Variants in RALYL observed in about 807,000 individuals in gnomAD.
The protein encoded by RALYL is RALY RNA binding protein like.
Under a neutral mutation model 35.1 loss-of-function variants are expected in RALYL, and 29 were observed. The ratio of observed to expected loss-of-function variants is 0.83; its 90% confidence interval spans 0.61 to 1.13. The LOEUF (loss-of-function observed/expected upper bound fraction) is 1.13. Ranked by LOEUF, RALYL falls within the 50% of genes most tolerant of loss-of-function variation. RALYL has a pLI of 0.00. For synonymous variants in RALYL, 120 were observed against 127.6 expected, an observed-to-expected ratio of 0.94 and a Z score of 0.40; for missense variants, 359 against 360.4, an observed-to-expected ratio of 1.00 and a Z score of 0.03.
In RALYL at chr8:84,725,663, T is replaced by C. The variant is rs111346623; in HGVS notation, c.257-48916T>C. On this transcript the variant is annotated intron_variant, in intron 2 of 8. Coordinates refer to ENST00000521268, the MANE Select transcript of RALYL (RefSeq NM_173848.7). The stretch of plus-strand genomic sequence containing the variant: ...TAATATACGTCTGTGAGCCCTTCAA[T>C]TTAGAAATATGAGTTATTAGTAAGA... Among the ~76,000 whole-genome samples, 648 of 151,774 alleles carry C rather than the reference T, an allele frequency of 4.3e-3. 5 individuals carry two copies. Among genetic ancestry groups the C allele is most frequent in the African/African-American group, 0.015 (629 of 41,518 alleles).
At chr8:84,466,547 G>A (rs1445459892) in intron 1 of RALYL, among the ~76,000 whole-genome samples, 2 of 151,528 alleles carry the variant, frequency 1.3e-5, no homozygotes, top group African/African-American at 4.9e-5. Flanking sequence ...CGTTTTGCCA[G>A]TATTTTATTG....
intron 2 of RALYL, among the ~76,000 whole-genome samples, chr8:84,760,668 G>T (rs1422340261): frequency 1.3e-5 from 2 of 151,982 alleles, no homozygotes; most frequent in African/African-American, 4.8e-5. Context: ...GCAAAATTCA[G>T]ATTTTTAAGT....
At chr8:84,695,576 A>T (rs1176152620) in intron 2 of RALYL, among the ~76,000 whole-genome samples, 2 of 151,814 alleles carry the variant, frequency 1.3e-5, no homozygotes, top group East Asian at 3.9e-4. Flanking sequence ...TATAAGCAAA[A>T]TTTTAAGATT....
chr8:84,320,813 T>G (rs1438819763), intron 1 of RALYL, among the ~76,000 whole-genome samples: 4 of 152,150 alleles, frequency 2.6e-5, no homozygotes, highest in African/African-American at 9.7e-5. Flanking sequence ...TTTTAGATTC[T>G]TCATGAATCC....
At chr8:84,723,366 C>T (rs981049685) in intron 2 of RALYL, among the ~76,000 whole-genome samples, 2 of 151,868 alleles carry the variant, frequency 1.3e-5, no homozygotes, top group South Asian at 2.1e-4. Context: ...GACTTACTGT[C>T]GATTTGAACC....
At chr8:84,817,741 CG>C (rs533963945) in intron 4 of RALYL, among the ~76,000 whole-genome samples, 3 of 151,668 alleles carry the variant, frequency 2.0e-5, no homozygotes, top group Non-Finnish European at 4.4e-5. Flanking sequence ...TTTCTAGAAA[CG>C]GGGGGTCTCA....
intron 1 of RALYL, among the ~76,000 whole-genome samples, chr8:84,455,572 A>G (rs1156540198): frequency 6.6e-6 from 1 of 152,064 alleles, no homozygotes; most frequent in African/African-American, 2.4e-5. Context: ...GAATTGAGCC[A>G]TTCAGGGTTT....
At chr8:84,304,021 T>G (rs1235701220) in intron 1 of RALYL, among the ~76,000 whole-genome samples, 1 of 152,184 alleles carries the variant, frequency 6.6e-6, no homozygotes, top group African/African-American at 2.4e-5. Context: ...ATTCTACTGA[T>G]AAAATATAAA....
intron 4 of RALYL, among the ~76,000 whole-genome samples, chr8:84,846,111 C>T (rs1298161193): frequency 6.6e-6 from 1 of 152,100 alleles, no homozygotes; most frequent in Non-Finnish European, 1.5e-5. Flanking sequence ...ATTGCTTTGG[C>T]TATTCAGGCT....
At chr8:84,655,294 G>GTT (rs59135306) in intron 2 of RALYL, among the ~76,000 whole-genome samples, 16 of 147,122 alleles carry the variant, frequency 1.1e-4, no homozygotes, top group African/African-American at 1.5e-4. Flanking sequence ...GATTATTAGG[G>GTT]TTTTTTTTTT....
At chr8:84,620,465 C>G (rs963920018) in intron 2 of RALYL, among the ~76,000 whole-genome samples, 1 of 151,996 alleles carries the variant, frequency 6.6e-6, no homozygotes. Flanking sequence ...AGGCACTTCT[C>G]TGTATTGGTT....
chr8:84,732,178 CTT>C (rs1563467445), intron 2 of RALYL, among the ~76,000 whole-genome samples: 1 of 152,002 alleles, frequency 6.6e-6, no homozygotes, highest in African/African-American at 2.4e-5. Flanking sequence ...ATCTGTACCT[CTT>C]GTTAGTCTAA....
intron 1 of RALYL, among the ~76,000 whole-genome samples, chr8:84,438,174 G>T (rs1486322926): frequency 6.6e-6 from 1 of 152,058 alleles, no homozygotes; most frequent in Non-Finnish European, 1.5e-5. Context: ...CGGATTAGTT[G>T]CAAATATTTT....
intron 1 of RALYL, among the ~76,000 whole-genome samples, chr8:84,367,318 A>ATTTGTTTTTGTTTTTTTTTTTTTTT (rs756622990): frequency 3.6e-5 from 1 of 27,400 alleles, no homozygotes; most frequent in Admixed American, 5.1e-4. Context: ...TAATTTTTGT[A>ATTTGTTTTTGTTTTTTTTTTTTTTT]TTTTTTTTTT....
chr8:84,353,429 C>A (rs748580068), intron 1 of RALYL, among the ~76,000 whole-genome samples: 1 of 150,406 alleles, frequency 6.6e-6, no homozygotes, highest in Non-Finnish European at 1.5e-5. Flanking sequence ...ATTCCCAGTG[C>A]ATCTCTTCTT....
intron 3 of RALYL, among the ~76,000 whole-genome samples, chr8:84,778,900 A>G (rs919844612): frequency 6.6e-6 from 1 of 152,196 alleles, no homozygotes; most frequent in Non-Finnish European, 1.5e-5. Flanking sequence ...ATGATAAGCA[A>G]TGGCAGGCTC....
chr8:84,742,421 T>A (rs903208448), intron 2 of RALYL, among the ~76,000 whole-genome samples: 12 of 152,012 alleles, frequency 7.9e-5, no homozygotes, highest in Non-Finnish European at 1.8e-4. Flanking sequence ...TGTAAATATC[T>A]GTATAATCAT....
chr8:84,556,135 G>T (rs972501276), intron 2 of RALYL, among the ~76,000 whole-genome samples: 4 of 152,182 alleles, frequency 2.6e-5, no homozygotes, highest in African/African-American at 9.6e-5. Context: ...TTAAGGACAA[G>T]AGTGATTTGT....
At chr8:84,543,060 G>T (rs2060121773) in intron 2 of RALYL, among the ~76,000 whole-genome samples, 1 of 151,802 alleles carries the variant, frequency 6.6e-6, no homozygotes. Flanking sequence ...GCATCCTTCT[G>T]GTATCATTTA....
Sources: allele counts gnomAD v4.1 joint callset (sites outside exome capture counted in the v4.1 genomes callset), GRCh38; gene constraint gnomAD v4.1.1; transcripts MANE v1.5; gene names NCBI Gene and HGNC (gene_info 2026-07-23, HGNC 2026-07-21).